The following GATA4 variants were observed in gnomAD, a reference collection of about 807,000 sequenced individuals.
The protein encoded by GATA4 is GATA binding protein 4.
Under a neutral mutation model 37.9 loss-of-function variants are expected in GATA4, and 7 were observed. That is an observed-to-expected ratio of 0.18 (90% CI 0.11 to 0.35). GATA4 has a LOEUF of 0.35. Among genes scored for constraint, GATA4 ranks in the 10% least tolerant of loss-of-function variants. The pLI is 1.00. For missense variants in GATA4, 647 were observed against 653.0 expected (o/e 0.99, Z 0.10); for synonymous variants, 372 against 292.6 (o/e 1.27, Z -2.77).
Position 11,684,855 on chromosome 8 carries a change from A to G in GATA4, c.-274+7792A>G, listed in dbSNP as rs117743644. ...AGGTAGAAATTTATCTGACACACTG[A>G]TAAATATGTTTTTTATTTAGCTTAG... is the stretch of plus-strand genomic sequence containing the variant. On this transcript the variant is annotated intron_variant, in intron 1 of 6. Coordinates refer to the GATA4 transcript ENST00000528712. Among the ~76,000 whole-genome samples the G allele has an allele frequency of 2.3e-3, 357 of 152,352 alleles. 2 individuals are homozygous for G. Among genetic ancestry groups the G allele is most frequent in the East Asian group, 0.018 (95 of 5,190 alleles).
At chr8:11,753,664 G>A (rs945057608) in intron 4 of GATA4, among the ~76,000 whole-genome samples, 1 of 152,064 alleles carries the variant, frequency 6.6e-6, no homozygotes, top group Non-Finnish European at 1.5e-5. Flanking sequence ...ACAGAGAGAT[G>A]TGCAGATGGT....
rs1184727904 is a variant in GATA4, at chr8:11,708,364, T to C, written c.52T>C (p.Tyr18His). Reference protein sequence around the residue: ...AANHGPPPGAYEAGGPGAFMH... With the variant: ...AANHGPPPGAHEAGGPGAFMH... Reference sequence around the variant, plus strand: ...CAACCACGGGCCGCCCCCCGGTGCCTACGAGGCGGGCGGCCCCGGCGCCTT... The same window carrying C: ...CAACCACGGGCCGCCCCCCGGTGCCCACGAGGCGGGCGGCCCCGGCGCCTT... The change falls in exon 2 of 7, where the codon TAC (tyrosine) becomes CAC (histidine). Residue 18 changes from tyrosine (Y) to histidine (H), a missense_variant. Tyr to His is a moderately conservative substitution (Grantham distance 83, BLOSUM62 2). Around this residue, in one of 5 missense-constraint regions of GATA4, gnomAD observed 379 missense variants for 334.5 expected, o/e 1.13. Transcript: ENST00000532059. The surrounding 1 kb of genome is among the most constrained non-coding windows in gnomAD (Gnocchi z 6.7). The C allele has an allele frequency of 6.4e-7, 1 of 1,574,720 alleles. No homozygotes were observed. Among genetic ancestry groups the C allele is most frequent in the Non-Finnish European group, 8.6e-7 (1 of 1,168,446 alleles).
intron 2 of GATA4, among the ~76,000 whole-genome samples, chr8:11,735,566 T>C (rs557916273): frequency 3.9e-5 from 6 of 152,208 alleles, no homozygotes; most frequent in Non-Finnish European, 8.8e-5. Context: ...TGTTTCTTTC[T>C]TTCTTTCTTT....
At chr8:11,693,726 C>T (rs1011850164) in intron 1 of GATA4, among the ~76,000 whole-genome samples, 6 of 152,110 alleles carry the variant, frequency 3.9e-5, no homozygotes, top group Non-Finnish European at 8.8e-5. Context: ...GCATCTCTTG[C>T]CCTACCCCCA....
chr8:11,757,573 G>T (rs963677625), intron 6 of GATA4, among the ~76,000 whole-genome samples: 2 of 152,228 alleles, frequency 1.3e-5, no homozygotes, highest in African/African-American at 4.8e-5. Flanking sequence ...GGAGGGTGGG[G>T]AAGGAGGAGG....
intron 1 of GATA4, among the ~76,000 whole-genome samples, chr8:11,681,819 T>C (rs567850406): frequency 6.6e-6 from 1 of 152,336 alleles, no homozygotes; most frequent in Non-Finnish European, 1.5e-5. Flanking sequence ...CCCGCTGTTC[T>C]TGGCCGTGGG....
chr8:11,703,333 T>A (rs1311289993), upstream of GATA4, among the ~76,000 whole-genome samples: 2 of 152,114 alleles, frequency 1.3e-5, no homozygotes, highest in African/African-American at 4.8e-5. Flanking sequence ...ACTCTCCGGC[T>A]CGCAGCCCCG....
At chr8:11,730,849 C>G (rs566621170) in intron 2 of GATA4, among the ~76,000 whole-genome samples, 1 of 152,230 alleles carries the variant, frequency 6.6e-6, no homozygotes. Flanking sequence ...GCTGGCGGGA[C>G]CTAGGTCAGC....
intron 2 of GATA4, among the ~76,000 whole-genome samples, chr8:11,740,397 G>C (rs1315272664): frequency 6.6e-6 from 1 of 152,222 alleles, no homozygotes; most frequent in Admixed American, 6.5e-5. Flanking sequence ...ATTTTGTATG[G>C]TAGGTCACAG....
chr8:11,678,725 C>T (rs1321363563), intron 1 of GATA4, among the ~76,000 whole-genome samples: 1 of 152,260 alleles, frequency 6.6e-6, no homozygotes, highest in East Asian at 1.9e-4. Flanking sequence ...TTTGATAAAT[C>T]GGTCTACAGT....
intron 2 of GATA4, among the ~76,000 whole-genome samples, chr8:11,731,168 C>A (rs1037252267): frequency 6.6e-6 from 1 of 152,220 alleles, no homozygotes; most frequent in Non-Finnish European, 1.5e-5. Flanking sequence ...CTTATGAAGA[C>A]CCGGTTTTGA....
chr8:11,737,192 C>T (rs1375885204), intron 2 of GATA4, among the ~76,000 whole-genome samples: 2 of 152,014 alleles, frequency 1.3e-5, no homozygotes, highest in Non-Finnish European at 2.9e-5. Flanking sequence ...AATTTCTACA[C>T]CCTTGCTCGC....
chr8:11,746,161 C>T (rs948203536), intron 2 of GATA4, among the ~76,000 whole-genome samples: 77 of 151,144 alleles, frequency 5.1e-4, no homozygotes, highest in African/African-American at 1.7e-3. Context: ...GTCCCAGGTT[C>T]TAAGGAAGCT....
rs896035275 is a variant in GATA4 at position 11,709,516 on chromosome 8, A to T, written c.616+588A>T. ...GAGACGCCGGGGAGATGCGCGGAACAGGAGCCGGCACTGTGCGGGTGCCAC... is the reference window on the plus strand; with the variant it reads ...GAGACGCCGGGGAGATGCGCGGAACTGGAGCCGGCACTGTGCGGGTGCCAC... On this transcript the variant is annotated intron_variant, in intron 2 of 6. Transcript: ENST00000532059. This position sits in a 1 kb window ranked among gnomAD's most constrained non-coding sequence, Gnocchi z 4.3. Among the ~76,000 whole-genome samples the T allele has an allele frequency of 1.5e-5, 2 of 136,962 alleles. No individual in the cohort carries two copies. Among genetic ancestry groups the T allele is most frequent in the African/African-American group, 5.4e-5 (2 of 36,802 alleles). The allele number at this position is 136,962 out of a possible 152,430, so 89.9% of individuals were successfully genotyped here.
Position 11,749,126 on chromosome 8 carries a change from C to T in GATA4, c.786+41C>T, listed in dbSNP as rs748056518. On this transcript the variant is annotated intron_variant, in intron 3 of 6. Transcript: ENST00000532059. The surrounding 1 kb of genome is among the most constrained non-coding windows in gnomAD (Gnocchi z 4.6). ...GCAGCCTCCTCTGGGCACCTGGCTG[C>T]GGAGCTCTCGCCTTGGTGGGACATC... The T allele has an allele frequency of 2.5e-5, 40 of 1,604,840 alleles. No individual in the cohort carries two copies. The highest frequency in any genetic ancestry group is 1.2e-4 in the Admixed American group (7 of 59,138).
At chr8:11,693,147 C>A (rs1178407055) in intron 1 of GATA4, 2 of 911,478 alleles carry the variant, frequency 2.2e-6, no homozygotes, top group African/African-American at 3.6e-5. Flanking sequence ...TCATTTGTTC[C>A]TAAAGAGCTG....
intron 2 of GATA4, among the ~76,000 whole-genome samples, chr8:11,740,202 G>C (rs1315718013): frequency 6.6e-6 from 1 of 152,200 alleles, no homozygotes; most frequent in Non-Finnish European, 1.5e-5. Context: ...TGGCTTTTCT[G>C]GAAGGGGGCA....
At chr8:11,731,124 C>G (rs544904053) in intron 2 of GATA4, among the ~76,000 whole-genome samples, 1 of 152,340 alleles carries the variant, frequency 6.6e-6, no homozygotes, top group Admixed American at 6.5e-5. Flanking sequence ...TTGCAGCTAC[C>G]ACTGCCTCTG....
chr8:11,726,662 G>C (rs1291579269), intron 2 of GATA4, among the ~76,000 whole-genome samples: 2 of 152,148 alleles, frequency 1.3e-5, no homozygotes, highest in Non-Finnish European at 2.9e-5. Context: ...GCTCTGCAGA[G>C]CTGCCTTCTG....
Sources: gnomAD v4.1 joint callset for allele counts (sites outside exome capture counted in the v4.1 genomes callset) on GRCh38, gnomAD v4.1.1 for gene constraint, gnomAD v4.1.1 regional missense constraint, Gnocchi (gnomAD v3.1) non-coding constraint, MANE v1.5 for transcripts, NCBI Gene and HGNC (gene_info 2026-07-23, HGNC 2026-07-21) for gene names.